Variants in ARHGAP32 observed in about 807,000 individuals in gnomAD.
ARHGAP32 encodes the protein Rho GTPase activating protein 32, also known as rho GTPase-activating protein 32.
ARHGAP32 carries 51 observed loss-of-function variants against 186.5 expected under a neutral mutation model. The observed-to-expected ratio is 0.27, with a 90% CI of 0.22 to 0.35. The LOEUF (loss-of-function observed/expected upper bound fraction) is 0.35. ARHGAP32 is among the 10% of genes least tolerant of loss of function. The pLI, the probability that ARHGAP32 is intolerant of heterozygous loss-of-function variation, is 1.00. For synonymous variants in ARHGAP32, 950 were observed against 964.3 expected, an observed-to-expected ratio of 0.99 and a Z score of 0.27; for missense variants, 2,186 against 2,623.5, an observed-to-expected ratio of 0.83 and a Z score of 3.64.
At position 128,971,387 on chromosome 11, in the gene ARHGAP32, T is replaced by C. The variant is rs1945368799; in HGVS notation, c.4054-228A>G. On this transcript the variant is annotated intron_variant, in intron 22 of 22. Transcript: ENST00000682385. ...GAGAACCATTCAAAGTTTTCTAATT[T>C]ATGAGAGGTTTTAAATGCGAGATGA... 8 of 481,178 alleles carry C rather than the reference T, an allele frequency of 1.7e-5. No individual in the cohort carries two copies. In the South Asian group the frequency reaches 3.4e-4, roughly 21 times the overall value. The allele number at this position is 481,178 out of a possible 1,614,324, so 29.8% of individuals were successfully genotyped here.
intron 1 of ARHGAP32, among the ~76,000 whole-genome samples, chr11:129,267,774 G>A (rs1406920807): frequency 6.6e-6 from 1 of 152,234 alleles, no homozygotes; most frequent in Non-Finnish European, 1.5e-5. Context: ...AATTCTGCCA[G>A]CTGGAAGGTT....
chr11:129,071,063 G>A (rs1940852138), intron 6 of ARHGAP32, among the ~76,000 whole-genome samples: 1 of 151,984 alleles, frequency 6.6e-6, no homozygotes, highest in Non-Finnish European at 1.5e-5. Flanking sequence ...TTTGAGAGCT[G>A]TAACCTACTT....
At chr11:129,119,061 T>A (rs1008477688) in intron 5 of ARHGAP32, among the ~76,000 whole-genome samples, 2 of 152,054 alleles carry the variant, frequency 1.3e-5, no homozygotes, top group African/African-American at 4.8e-5. Flanking sequence ...TGGTACAACC[T>A]ATCCTCCCCC....
At chr11:129,199,208 C>A (rs1944429360) in intron 1 of ARHGAP32, among the ~76,000 whole-genome samples, 1 of 152,176 alleles carries the variant, frequency 6.6e-6, no homozygotes, top group South Asian at 2.1e-4. Flanking sequence ...GCAGCCTGAC[C>A]ATGCAACAGA....
chr11:129,139,379 T>A (rs1943001795), intron 2 of ARHGAP32, among the ~76,000 whole-genome samples: 1 of 152,218 alleles, frequency 6.6e-6, no homozygotes, highest in Admixed American at 6.5e-5. Flanking sequence ...ATTATATATA[T>A]GCTTCCCCTG....
chr11:129,039,892 T>C (rs141065998), intron 11 of ARHGAP32, among the ~76,000 whole-genome samples: 51 of 152,276 alleles, frequency 3.3e-4, no homozygotes, highest in African/African-American at 1.1e-3. Flanking sequence ...CTGACTCAAG[T>C]AGAACTGCAG....
chr11:129,082,871 TCAGC>T (rs1400085951), intron 6 of ARHGAP32, among the ~76,000 whole-genome samples: 2 of 151,102 alleles, frequency 1.3e-5, no homozygotes, highest in African/African-American at 4.9e-5. Context: ...CCCAAATAAA[TCAGC>T]AAGACAAAAC....
chr11:129,151,904 A>G (rs1430086040), intron 2 of ARHGAP32, among the ~76,000 whole-genome samples: 4 of 152,178 alleles, frequency 2.6e-5, no homozygotes, highest in Admixed American at 2.6e-4. Flanking sequence ...CAACAACAAC[A>G]AAACCACACA....
chr11:129,129,085 TCTGGG>T (rs1272746389), intron 2 of ARHGAP32, among the ~76,000 whole-genome samples: 2 of 150,596 alleles, frequency 1.3e-5, no homozygotes, highest in Admixed American at 6.6e-5. Flanking sequence ...CGCCGCCCCG[TCTGGG>T]ATGTGAAGGG....
intron 1 of ARHGAP32, among the ~76,000 whole-genome samples, chr11:129,212,241 G>A (rs1282213443): frequency 6.6e-6 from 1 of 152,092 alleles, no homozygotes; most frequent in East Asian, 1.9e-4. Context: ...ATTCAAATAT[G>A]GAAGGTCTGT....
intron 5 of ARHGAP32, among the ~76,000 whole-genome samples, chr11:129,119,020 CA>C (rs1215532628): frequency 6.6e-6 from 1 of 151,986 alleles, no homozygotes; most frequent in African/African-American, 2.4e-5. Context: ...ATTCAAGCTC[CA>C]TGGAAGTAGA....
intron 2 of ARHGAP32, among the ~76,000 whole-genome samples, chr11:129,142,906 T>C (rs1565442396): frequency 6.6e-6 from 1 of 151,630 alleles, no homozygotes; most frequent in Non-Finnish European, 1.5e-5. Context: ...TCATTTGTAG[T>C]CAGAATTTGA....
At chr11:129,046,921 A>C (rs1591563405) in intron 10 of ARHGAP32, among the ~76,000 whole-genome samples, 1 of 151,986 alleles carries the variant, frequency 6.6e-6, no homozygotes, top group Non-Finnish European at 1.5e-5. Context: ...TCAGGAGATC[A>C]AGACCATCCT....
At chr11:129,066,399 A>C (rs772999362) in intron 7 of ARHGAP32, among the ~76,000 whole-genome samples, 2 of 151,980 alleles carry the variant, frequency 1.3e-5, no homozygotes, top group Non-Finnish European at 2.9e-5. Context: ...ACTACTCAAC[A>C]CTGTTAATAT....
chr11:129,190,096 G>A (rs1385685897), intron 1 of ARHGAP32, among the ~76,000 whole-genome samples: 1 of 152,202 alleles, frequency 6.6e-6, no homozygotes, highest in Admixed American at 6.5e-5. Flanking sequence ...TAAAAACACA[G>A]TAAGACATTT....
rs376071322 is a variant in ARHGAP32 at position 129,122,803 on chromosome 11, T to A, written c.444+643A>T. Among the ~76,000 whole-genome samples, 42 of 152,034 alleles carry A rather than the reference T, an allele frequency of 2.8e-4. No homozygotes were observed. The East Asian group carries it at 6.8e-3, about 25-fold the overall frequency. On this transcript the variant is annotated intron_variant, in intron 5 of 22. Transcript: ENST00000682385. ...ACATGTTGTGTGTAGAAATCAAGAC[T>A]TTTTTTTCTATTAGCCTAATTTGAA... is the stretch of plus-strand genomic sequence containing the variant.
chr11:129,262,968 T>C (rs1013699732), intron 1 of ARHGAP32, among the ~76,000 whole-genome samples: 1 of 152,198 alleles, frequency 6.6e-6, no homozygotes, highest in African/African-American at 2.4e-5. Flanking sequence ...AATGATTTTC[T>C]ACAGGAGTGT....
intron 12 of ARHGAP32, among the ~76,000 whole-genome samples, chr11:128,989,516 T>TCACACACACACACACACACA (rs56090706): frequency 8.4e-4 from 117 of 139,032 alleles, no homozygotes; most frequent in Non-Finnish European, 1.2e-3. Context: ...GTTTTTTATT[T>TCACACACACACACACACACA]CACACACACA....
intron 1 of ARHGAP32, among the ~76,000 whole-genome samples, chr11:129,270,573 T>C (rs964366516): frequency 3.3e-5 from 5 of 150,976 alleles, no homozygotes; most frequent in African/African-American, 9.8e-5. Context: ...CGGGTGATAA[T>C]GATGTTTCAA....
Sources: allele counts gnomAD v4.1 joint callset (sites outside exome capture counted in the v4.1 genomes callset), GRCh38; gene constraint gnomAD v4.1.1; transcripts MANE v1.5; gene names NCBI Gene and HGNC (gene_info 2026-07-23, HGNC 2026-07-21).